The following PARD3 variants were observed in gnomAD, a reference collection of about 807,000 sequenced individuals.
PARD3 encodes the protein par-3 family cell polarity regulator, also known as partitioning defective 3 homolog.
In PARD3, 75 loss-of-function variants were observed where a neutral mutation model predicts 155.4. The observed-to-expected ratio is 0.48, with a 90% CI of 0.40 to 0.58. The LOEUF (loss-of-function observed/expected upper bound fraction) is 0.58. Among genes scored for constraint, PARD3 ranks in the 20% least tolerant of loss-of-function variants. The pLI, the probability that PARD3 is intolerant of heterozygous loss-of-function variation, is 0.00. For missense variants in PARD3, 1,642 were observed against 1,721.7 expected (o/e 0.95, Z 0.82); for synonymous variants, 576 against 610.5 (o/e 0.94, Z 0.83).
chr10:34,136,707 T>C (rs1947917579), intron 22 of PARD3, among the ~76,000 whole-genome samples: 1 of 152,134 alleles, frequency 6.6e-6, no homozygotes, highest in South Asian at 2.1e-4. Context: ...TTTTTCTTTC[T>C]TTAATACCCT....
intron 1 of PARD3, among the ~76,000 whole-genome samples, chr10:34,700,594 T>C (rs1486503057): frequency 2.1e-4 from 31 of 150,076 alleles, no homozygotes; most frequent in Middle Eastern, 3.2e-3. Context: ...TCTATGTTGA[T>C]AAAAAAAAAA....
intron 2 of PARD3, among the ~76,000 whole-genome samples, chr10:34,561,873 T>C (rs2134066218): frequency 6.6e-6 from 1 of 151,470 alleles, no homozygotes; most frequent in Non-Finnish European, 1.5e-5. Flanking sequence ...GGCTGAAACC[T>C]GTAATCCTAG....
intron 19 of PARD3, among the ~76,000 whole-genome samples, chr10:34,326,135 A>G (rs1210619152): frequency 6.6e-6 from 1 of 151,952 alleles, no homozygotes; most frequent in Non-Finnish European, 1.5e-5. Flanking sequence ...TAAAAAAAAA[A>G]AAAAAAAAAA....
At chr10:34,639,368 A>C (rs1459752059) in intron 2 of PARD3, among the ~76,000 whole-genome samples, 1 of 151,970 alleles carries the variant, frequency 6.6e-6, no homozygotes, top group Non-Finnish European at 1.5e-5. Context: ...CTGTCTCAAA[A>C]AAATAAAAAT....
intron 4 of PARD3, among the ~76,000 whole-genome samples, chr10:34,463,233 GGGGAAAGGAA>G (rs2077781811): frequency 7.2e-6 from 1 of 138,532 alleles, no homozygotes; most frequent in Non-Finnish European, 1.6e-5. Context: ...GGAAGGGGAA[GGGGAAAGGAA>G]GGGAAAGGGA....
intron 22 of PARD3, among the ~76,000 whole-genome samples, chr10:34,152,613 T>C (rs575687143): frequency 2.0e-5 from 3 of 152,336 alleles, no homozygotes; most frequent in African/African-American, 7.2e-5. Flanking sequence ...ACAGATTGCA[T>C]CATTAAGTAC....
At position 34,341,810 on chromosome 10, in the gene PARD3, TA is replaced by T; in HGVS notation, c.2224del (p.Tyr742ThrfsTer7). ...NAALSRIMGKYQLSPTVNMPQ... is the reference protein window; with the variant it reads ...NAALSRIMGKXQLSPTVNMPQ... The stretch of plus-strand genomic sequence containing the variant: ...CATATTCACTGTAGGGGACAGCTGG[TA>T]TTTACCTGTCCAGTGAAAAAAGAAG... On this transcript the variant is annotated frameshift_variant, in exon 16 of 25. Transcript: ENST00000374788. LOFTEE classifies it high-confidence loss of function. 6.3e-7 allele frequency: 1 copy of T among 1,595,680 alleles called. No homozygotes were observed. Among genetic ancestry groups the T allele is most frequent in the Non-Finnish European group, 8.6e-7 (1 of 1,167,624 alleles).
At chr10:34,622,221 G>A (rs547251484) in intron 2 of PARD3, among the ~76,000 whole-genome samples, 6 of 152,212 alleles carry the variant, frequency 3.9e-5, no homozygotes, top group African/African-American at 1.4e-4. Context: ...AACATTCCAG[G>A]AACATAAGTC....
chr10:34,762,538 G>GA (rs1403251553), intron 1 of PARD3, among the ~76,000 whole-genome samples: 1 of 145,050 alleles, frequency 6.9e-6, no homozygotes, highest in African/African-American at 2.6e-5. Flanking sequence ...TGAACTCCCG[G>GA]ACTCAAGCAA....
In PARD3 at chr10:34,223,182, G is replaced by A. The variant is rs549082526; in HGVS notation, c.3419+46475C>T. 3.3e-5 allele frequency among the ~76,000 whole-genome samples: 5 copies of A among 152,212 alleles called. No individual in the cohort carries two copies. The South Asian group carries it at 6.2e-4, about 19-fold the overall frequency. ...ACTGTCCCATCACCTCATGGGGCTC[G>A]CAGGGCAGGAGGAAGCCACCAGGCA... On this transcript the variant is annotated intron_variant, in intron 22 of 24. Transcript: ENST00000374788.
chr10:34,195,946 T>C (rs754574895), intron 22 of PARD3, among the ~76,000 whole-genome samples: 2 of 152,188 alleles, frequency 1.3e-5, no homozygotes, highest in African/African-American at 2.4e-5. Context: ...GAAAGTGAAA[T>C]GCTGTGAAAA....
chr10:34,177,499 C>T (rs1282786111), intron 22 of PARD3, among the ~76,000 whole-genome samples: 2 of 152,206 alleles, frequency 1.3e-5, no homozygotes, highest in Admixed American at 6.5e-5. Context: ...AAACCCTCTA[C>T]CTTAGACAAA....
chr10:34,583,447 T>A (rs2087691539), intron 2 of PARD3, among the ~76,000 whole-genome samples: 1 of 151,708 alleles, frequency 6.6e-6, no homozygotes, highest in South Asian at 2.1e-4. Flanking sequence ...TCTTTTTGAT[T>A]TTTTTTTAAT....
intron 1 of PARD3, among the ~76,000 whole-genome samples, chr10:34,803,070 GAAAAAAAA>G (rs34342941): frequency 1.9e-5 from 2 of 102,624 alleles, no homozygotes; most frequent in Admixed American, 1.1e-4. Context: ...TACTAAAAAT[GAAAAAAAA>G]AAAAAAAAAA....
At chr10:34,699,041 T>A (rs973041358) in intron 1 of PARD3, among the ~76,000 whole-genome samples, 1 of 152,202 alleles carries the variant, frequency 6.6e-6, no homozygotes. Flanking sequence ...CAGCAGAATA[T>A]GTTACCCTCT....
At chr10:34,148,409 A>G (rs1359387361) in intron 22 of PARD3, among the ~76,000 whole-genome samples, 1 of 152,048 alleles carries the variant, frequency 6.6e-6, no homozygotes, top group Non-Finnish European at 1.5e-5. Flanking sequence ...ACATTGTTTC[A>G]TTTTGATATC....
At chr10:34,166,957 T>C (rs933043431) in intron 22 of PARD3, among the ~76,000 whole-genome samples, 3 of 152,190 alleles carry the variant, frequency 2.0e-5, no homozygotes, top group Non-Finnish European at 4.4e-5. Flanking sequence ...AAAACAAAAC[T>C]ATCACACTAG....
intron 24 of PARD3, among the ~76,000 whole-genome samples, chr10:34,117,120 C>A (rs12260479): frequency 1.3e-5 from 2 of 152,194 alleles, no homozygotes; most frequent in African/African-American, 4.8e-5. Context: ...CTTCCCGGCC[C>A]GCCCACCGCT....
intron 22 of PARD3, among the ~76,000 whole-genome samples, chr10:34,184,478 T>C (rs1026396694): frequency 1.3e-5 from 2 of 152,162 alleles, no homozygotes; most frequent in Non-Finnish European, 2.9e-5. Flanking sequence ...AATTAATGTT[T>C]GCAAAGTGCT....
Sources: allele counts gnomAD v4.1 joint callset (sites outside exome capture counted in the v4.1 genomes callset), GRCh38; gene constraint gnomAD v4.1.1; transcripts MANE v1.5; gene names NCBI Gene and HGNC (gene_info 2026-07-23, HGNC 2026-07-21).